Variants in CDNF observed in about 807,000 individuals in gnomAD.
CDNF encodes the protein cerebral dopamine neurotrophic factor, also known as ARMET-like protein 1.
Under a neutral mutation model 14.8 loss-of-function variants are expected in CDNF, and 9 were observed. That is an observed-to-expected ratio of 0.61 (90% CI 0.37 to 1.06). The LOEUF is 1.06. CDNF is among the 50% of genes least tolerant of loss of function. The probability of loss-of-function intolerance (pLI) is 0.01; values close to 1 mark genes in which losing one functional copy is unlikely to be tolerated. For synonymous variants in CDNF, 86 were observed against 87.2 expected (o/e 0.99, Z 0.07); for missense variants, 228 against 228.4 (o/e 1.00, Z 0.01).
intron 2 of CDNF, 63 bp downstream of exon 2, chr10:14,828,082 A>T (rs1833813577): frequency 1.9e-6 from 3 of 1,552,516 alleles, no homozygotes; most frequent in Middle Eastern, 3.4e-4. Context: ...ACGTCTAAGA[A>T]ATGAAACTAT....
rs1554763984 is a variant in CDNF, at chr10:14,826,002, A to AAGC, written c.244-383_244-382insGCT. 5.9e-5 allele frequency among the ~76,000 whole-genome samples: 8 copies of AAGC among 134,656 alleles called. No homozygotes were observed. The East Asian group carries it at 1.5e-3, about 26-fold the overall frequency. 88.3% of individuals were successfully genotyped at this position (134,656 alleles called of 152,430 possible). On this transcript the variant is annotated intron_variant, in intron 2 of 3. Transcript: ENST00000465530. ...GAAGAAGGAGAAGAAGAAGCAGCAG[A>AAGC]AGAAGCAGAAGCAGAAGAAGAAGAA...
chr10:14,826,034 G>GAAGAAGAAGAAT (rs1564313279), intron 2 of CDNF, among the ~76,000 whole-genome samples: 1 of 53,432 alleles, frequency 1.9e-5, no homozygotes. Context: ...AGAAGGAGAA[G>GAAGAAGAAGAAT]AAGAAGAAGA....
chr10:14,824,193 G>A (rs1833760398), intron 3 of CDNF, among the ~76,000 whole-genome samples: 1 of 152,170 alleles, frequency 6.6e-6, no homozygotes, highest in African/African-American at 2.4e-5. Context: ...GCTGAGGAAG[G>A]AATTCCACAT....
At chr10:14,826,331 T>A (rs1833792047) in intron 2 of CDNF, among the ~76,000 whole-genome samples, 1 of 127,158 alleles carries the variant, frequency 7.9e-6, no homozygotes, top group African/African-American at 3.1e-5. Context: ...AGTGGAGGAA[T>A]CAGAAGCAGC....
chr10:14,828,352 TAA>T, intron 1 of CDNF, 80 bp from the exon 2 acceptor site: 3 of 1,392,530 alleles, frequency 2.2e-6, no homozygotes, highest in Non-Finnish European at 3.0e-6. Context: ...TAACCACATT[TAA>T]AAGTCTATAT....
At chr10:14,825,395 T>A in intron 3 of CDNF, 84 bp downstream of exon 3, 2 of 1,387,268 alleles carry the variant, frequency 1.4e-6, no homozygotes, top group South Asian at 1.3e-5. Flanking sequence ...CTTTTAACAC[T>A]GAATTTTTAG....
In CDNF at chr10:14,820,034, G is replaced by A. The variant is rs771777537; in HGVS notation, c.510C>T (p.Leu170=). 2 of 1,614,108 alleles carry A rather than the reference G, an allele frequency of 1.2e-6. No individual in the cohort carries two copies. Among genetic ancestry groups the A allele is most frequent in the Non-Finnish European group, 1.7e-6 (2 of 1,180,034 alleles). The change falls in exon 4 of 4, where the codon CTC becomes CTT. Residue 170 remains leucine (L), a synonymous_variant. Transcript: ENST00000465530. ...ACAEKTDYVN[L]IQELAPKYAA... is the part of the protein sequence containing the mutation. ...CATACTTGGGGGCCAGCTCTTGAATGAGATTCACATAGTCAGTTTTTTCTG... is the reference window on the plus strand; with the variant it reads ...CATACTTGGGGGCCAGCTCTTGAATAAGATTCACATAGTCAGTTTTTTCTG...
At chr10:14,834,498 A>G (rs1477061664) in intron 1 of CDNF, among the ~76,000 whole-genome samples, 2 of 152,164 alleles carry the variant, frequency 1.3e-5, no homozygotes, top group Non-Finnish European at 2.9e-5. Flanking sequence ...TACCTCAACT[A>G]TCACTCTGCC....
chr10:14,834,275 A>C (rs1833868985), intron 1 of CDNF: 1 of 152,148 alleles, frequency 6.6e-6, no homozygotes, highest in Non-Finnish European at 1.5e-5. Flanking sequence ...TGGAAGACGG[A>C]AGTTGCAGTG....
intron 1 of CDNF, among the ~76,000 whole-genome samples, chr10:14,834,669 C>T (rs1833872039): frequency 6.6e-6 from 1 of 152,164 alleles, no homozygotes; most frequent in Admixed American, 6.5e-5. Context: ...ATGGTAGCTG[C>T]TGGACATGAG....
chr10:14,820,077 TC>T lies in CDNF; in HGVS notation c.466del (p.Glu156ArgfsTer13). 6.2e-7 allele frequency: 1 copy of T among 1,613,818 alleles called. No homozygotes were observed. The highest frequency in any genetic ancestry group is 8.5e-7 in the Non-Finnish European group (1 of 1,179,926). On this transcript the variant is annotated frameshift_variant, in exon 4 of 4. Transcript: ENST00000465530. LOFTEE classifies it low-confidence loss of function (END_TRUNC). ...ELKQILHSWG[E>X]ECRACAEKTD... ...TTTTTCTGCACAGGCCCTGCACTCC[TC>T]CCCCCAGCTATGCAGGATCTGCTTC...
At chr10:14,826,299 CAGCAGCAGAAGA>C (rs150920811) in intron 2 of CDNF, among the ~76,000 whole-genome samples, 2,027 of 147,760 alleles carry the variant, frequency 0.014, 56 homozygotes, top group African/African-American at 0.047. Flanking sequence ...GCAGCAGAAG[CAGCAGCAGAAGA>C]AGCAGCAGAA....
intron 2 of CDNF, among the ~76,000 whole-genome samples, chr10:14,826,149 G>T (rs28463557): frequency 8.2e-6 from 1 of 122,636 alleles, no homozygotes. Context: ...GAAGGAGAAG[G>T]AGAAGAAGAA....
chr10:14,828,537 C>T (rs1224112785), intron 1 of CDNF, among the ~76,000 whole-genome samples: 1 of 151,840 alleles, frequency 6.6e-6, no homozygotes, highest in Non-Finnish European at 1.5e-5. Context: ...GTCCCAGCTA[C>T]TCAGGAGGCT....
intron 1 of CDNF, among the ~76,000 whole-genome samples, chr10:14,833,855 A>G (rs942730009): frequency 6.6e-6 from 1 of 152,232 alleles, no homozygotes; most frequent in African/African-American, 2.4e-5. Context: ...GTGAAGTAGG[A>G]TAAGAACAAA....
intron 3 of CDNF, among the ~76,000 whole-genome samples, chr10:14,823,606 G>C (rs971533796): frequency 6.6e-6 from 1 of 152,122 alleles, no homozygotes; most frequent in Admixed American, 6.6e-5. Flanking sequence ...CAGCTCACCA[G>C]AGCCTTGACC....
intron 2 of CDNF, among the ~76,000 whole-genome samples, chr10:14,826,102 A>AGAAGAAGAT (rs1564313471): frequency 8.6e-6 from 1 of 115,944 alleles, no homozygotes; most frequent in African/African-American, 4.0e-5. Context: ...AAGAAGCAGC[A>AGAAGAAGAT]GCAGCAGCAG....
intron 1 of CDNF, among the ~76,000 whole-genome samples, chr10:14,831,896 T>C (rs1310014076): frequency 1.3e-5 from 2 of 152,168 alleles, no homozygotes; most frequent in Admixed American, 1.3e-4. Context: ...TTTCTAATGC[T>C]ATCAACATGA....
intron 3 of CDNF, among the ~76,000 whole-genome samples, chr10:14,821,377 G>A (rs1303158467): frequency 2.6e-5 from 4 of 152,222 alleles, no homozygotes; most frequent in Non-Finnish European, 5.9e-5. Context: ...GCCTGCCACG[G>A]CCTCCCAAAG....
Sources: allele counts gnomAD v4.1 joint callset (sites outside exome capture counted in the v4.1 genomes callset), GRCh38; gene constraint gnomAD v4.1.1; transcripts MANE v1.5; gene names NCBI Gene and HGNC (gene_info 2026-07-23, HGNC 2026-07-21).